The following MYT1 variants were observed in gnomAD, a reference collection of about 807,000 sequenced individuals.
MYT1 encodes myelin transcription factor 1.
MYT1 carries 23 observed loss-of-function variants against 123.0 expected under a neutral mutation model. The ratio of observed to expected loss-of-function variants is 0.19; its 90% CI spans 0.13 to 0.26. The LOEUF (loss-of-function observed/expected upper bound fraction) is 0.26, where lower values mean the gene tolerates loss of function less well. Among genes scored for constraint, MYT1 ranks in the 10% least tolerant of loss-of-function variants. The pLI is 1.00. For missense variants in MYT1, 1,125 were observed against 1,472.5 expected (o/e 0.76, Z 3.86); for synonymous variants, 518 against 575.3 (o/e 0.90, Z 1.43).
chr20:64,224,307 C>T (rs1305594905), intron 16 of MYT1, among the ~76,000 whole-genome samples: 1 of 152,168 alleles, frequency 6.6e-6, no homozygotes, highest in Non-Finnish European at 1.5e-5. Context: ...CATTCTGGGG[C>T]CAGACAGGAT....
rs551679146 is a variant in MYT1 at position 64,227,392 on chromosome 20, T to C, written c.2529-23T>C. 1.8e-5 allele frequency: 29 copies of C among 1,611,674 alleles called. No individual in the cohort carries two copies. In the East Asian group the frequency reaches 6.5e-4, roughly 36 times the overall value. On this transcript the variant is annotated intron_variant, in intron 16 of 22. Coordinates refer to ENST00000328439, the MANE Select transcript of MYT1 (RefSeq NM_004535.3). ...GCTAAACGCCTTCACGGGCTCCCGT[T>C]CCAGTTCTGCTTCCCTCTGCAGGTG...
chr20:64,217,920 A>G (rs1983887753), intron 11 of MYT1, among the ~76,000 whole-genome samples: 2 of 152,254 alleles, frequency 1.3e-5, no homozygotes, highest in Admixed American at 6.5e-5. Context: ...TTACTGCCCT[A>G]ATTTGTGGAA....
chr20:64,212,213 G>GGGGGCCAGGGTGGGGGCCGTGTTA lies in MYT1; in HGVS notation c.1517+96_1517+97insTTAGGGGCCAGGGTGGGGGCCGTG, dbSNP rs1983694860. 1 of 302,506 alleles carries GGGGGCCAGGGTGGGGGCCGTGTTA rather than the reference G, an allele frequency of 3.3e-6. No homozygotes were observed. The highest frequency in any genetic ancestry group is 4.8e-5 in the African/African-American group (1 of 20,854). The allele number at this position is 302,506 out of a possible 1,614,324, so 18.7% of individuals were successfully genotyped here. On this transcript the variant is annotated intron_variant, in intron 9 of 22. Coordinates refer to ENST00000328439, the MANE Select transcript of MYT1 (RefSeq NM_004535.3). The surrounding 1 kb of genome is among the most constrained non-coding windows in gnomAD (Gnocchi z 6.8). ...TGGGGGCCAGGGTGGGGGCCGTGGT[G>GGGGGCCAGGGTGGGGGCCGTGTTA]GGGGCCAGGGTGGGGGCCGTGGTGG...
intron 1 of MYT1, among the ~76,000 whole-genome samples, chr20:64,187,008 G>A (rs1446666912): frequency 6.9e-6 from 1 of 143,914 alleles, no homozygotes; most frequent in Non-Finnish European, 1.5e-5. Flanking sequence ...CGGCATCCAC[G>A]TTTCCGTGGA....
At position 64,190,460 on chromosome 20, in the gene MYT1, G is replaced by A. The variant is rs571013403; in HGVS notation, c.-1+300G>A. Among the ~76,000 whole-genome samples the A allele has an allele frequency of 8.5e-5, 13 of 152,244 alleles. No individual in the cohort carries two copies. The South Asian group carries it at 2.1e-3, about 24-fold the overall frequency. On this transcript the variant is annotated intron_variant, in intron 2 of 22. Coordinates refer to ENST00000328439, the MANE Select transcript of MYT1 (RefSeq NM_004535.3). The surrounding 1 kb of genome is among the most constrained non-coding windows in gnomAD (Gnocchi z 4.1). ...AGGCTGAGGCAGGTGGATCACTTGA[G>A]GTCAAGAGTTCAAGACCAGCCTGGC...
rs1231444653 is a variant in MYT1, at chr20:64,191,385, A to C, written c.-1+1225A>C. ...TGGATGAGGCCAGGTCCCCAGGGTC[A>C]GGTGACCCTCACAGCTGGAAGTAGA... On this transcript the variant is annotated intron_variant, in intron 2 of 22. Transcript: ENST00000328439. The surrounding 1 kb of genome is among the most constrained non-coding windows in gnomAD (Gnocchi z 4.1). 1 of 152,272 alleles carries C rather than the reference A, an allele frequency of 6.6e-6. No individual in the cohort carries two copies. Among genetic ancestry groups the C allele is most frequent in the Non-Finnish European group, 1.5e-5 (1 of 68,064 alleles). 9.4% of individuals were successfully genotyped at this position (152,272 alleles called of 1,614,324 possible).
chr20:64,235,050 CCATGG>C (rs1984468666), intron 19 of MYT1, among the ~76,000 whole-genome samples: 1 of 139,252 alleles, frequency 7.2e-6, no homozygotes, highest in African/African-American at 2.8e-5. Context: ...CCTGGGCTGG[CCATGG>C]TGGTTGATGC....
chr20:64,201,501 A>G (rs1263229615), intron 4 of MYT1, among the ~76,000 whole-genome samples: 1 of 152,186 alleles, frequency 6.6e-6, no homozygotes, highest in Non-Finnish European at 1.5e-5. Flanking sequence ...AAATAGGACA[A>G]AGATTATGTT....
rs1484041677 is a variant in MYT1, at chr20:64,212,185, TGGTGGGGGCCAG to T, written c.1517+58_1517+69del. On this transcript the variant is annotated intron_variant, in intron 9 of 22. Coordinates refer to ENST00000328439, the MANE Select transcript of MYT1 (RefSeq NM_004535.3). This position sits in a 1 kb window ranked among gnomAD's most constrained non-coding sequence, Gnocchi z 6.8. ...GTAGTGGGGGCCAGGGTGGGGGCCG[TGGTGGGGGCCAG>T]GGTGGGGGCCGTGGTGGGGGCCAGG... The T allele has an allele frequency of 1.2e-5, 5 of 407,380 alleles. No individual in the cohort carries two copies. Among genetic ancestry groups the T allele is most frequent in the East Asian group, 8.9e-5 (1 of 11,264 alleles). 25.2% of individuals were successfully genotyped at this position (407,380 alleles called of 1,614,324 possible). A position where few individuals can be genotyped will look rare whatever the true frequency, so the allele number is the denominator to read the frequency against.
chr20:64,187,035 C>T (rs1321297197), intron 1 of MYT1, among the ~76,000 whole-genome samples: 19 of 141,610 alleles, frequency 1.3e-4, no homozygotes, highest in African/African-American at 4.3e-4. Context: ...TCCTGTAGCC[C>T]GTGGCCCCGG....
At chr20:64,170,872 TATATATATATATAGAGAGAGAGAG>T (rs1341973364) in intron 1 of MYT1, among the ~76,000 whole-genome samples, 1 of 62,482 alleles carries the variant, frequency 1.6e-5, no homozygotes, top group Non-Finnish European at 2.9e-5. Context: ...TATATATATA[TATATATATATATAGAGAGAGAGAG>T]AGAGAGAGAG....
intron 1 of MYT1, among the ~76,000 whole-genome samples, chr20:64,165,286 T>G (rs1470122836): frequency 6.6e-6 from 1 of 152,064 alleles, no homozygotes; most frequent in Non-Finnish European, 1.5e-5. Context: ...GATCAATATC[T>G]AGGGTGCATG....
Position 64,205,651 on chromosome 20 carries a change from T to C in MYT1, c.248T>C (p.Leu83Pro), listed in dbSNP as rs1394463309. The part of the protein sequence containing the change: ...KRKSHPLKLA[L>P]DEGYGVDSDG... ...AAGTCACACCCCCTGAAGCTGGCTC[T>C]GGACGAGGGCTATGGTGTGGACAGC... Residue 83 changes from leucine to proline, a missense_variant, in exon 6 of 23, where the codon CTG becomes CCG. Physicochemically the swap from Leu to Pro is moderately conservative, Grantham distance 98. This residue lies in a region of MYT1 where 406 missense variants were observed against 432.2 expected (regional missense o/e 0.94). Transcript: ENST00000328439. The C allele has an allele frequency of 6.2e-7, 1 of 1,614,202 alleles. No individual in the cohort carries two copies. The highest frequency in any genetic ancestry group is 8.5e-7 in the Non-Finnish European group (1 of 1,180,036).
intron 10 of MYT1, among the ~76,000 whole-genome samples, chr20:64,216,012 C>T (rs1983828928): frequency 6.6e-6 from 1 of 152,172 alleles, no homozygotes; most frequent in African/African-American, 2.4e-5. Context: ...AAGGAGAAAA[C>T]ACCCACGTCC....
rs1403444222 is a variant in MYT1, at chr20:64,167,840, ATGT to A, written c.-99+3105_-99+3107del. Reference sequence around the variant, plus strand: ...GTCTACAGATGTAATTTTAACAGGAATGTTGTGGTGTGAGTTTACAGGAAAATG... The same window carrying A: ...GTCTACAGATGTAATTTTAACAGGAATGTGGTGTGAGTTTACAGGAAAATG... On this transcript the variant is annotated intron_variant, in intron 1 of 22. Transcript: ENST00000328439. The surrounding 1 kb of genome is among the most constrained non-coding windows in gnomAD (Gnocchi z 6.3). Among the ~76,000 whole-genome samples the A allele has an allele frequency of 1.3e-5, 2 of 152,244 alleles. No individual in the cohort carries two copies.
chr20:64,179,856 A>G (rs1265592273), intron 1 of MYT1, among the ~76,000 whole-genome samples: 6 of 151,934 alleles, frequency 3.9e-5, no homozygotes, highest in African/African-American at 1.5e-4. Flanking sequence ...TTACACACAC[A>G]TACTACACAC....
chr20:64,207,452 T>C, intron 6 of MYT1, 142 bp from the exon 7 acceptor site: 2 of 1,442,178 alleles, frequency 1.4e-6, no homozygotes, highest in Non-Finnish European at 9.3e-7. Flanking sequence ...TCCCCACTTC[T>C]GGAGTTTCAT....
chr20:64,179,999 C>T (rs117462440), intron 1 of MYT1, among the ~76,000 whole-genome samples: 3,407 of 151,198 alleles, frequency 0.023, 124 homozygotes, highest in African/African-American at 0.075. Flanking sequence ...TACACACATA[C>T]GCCACACACG....
rs1982986131 is a variant in MYT1, at chr20:64,192,075, G to T, written c.-1+1915G>T. 6.6e-6 allele frequency among the ~76,000 whole-genome samples: 1 copy of T among 152,090 alleles called. No homozygotes were observed. Among genetic ancestry groups the T allele is most frequent in the Admixed American group, 6.5e-5 (1 of 15,270 alleles). The stretch of plus-strand genomic sequence containing the variant: ...GTCGGAAGACTTTTGTCTCCCCCTG[G>T]CCCAGACATGACAAACTCAGAGAGT... On this transcript the variant is annotated intron_variant, in intron 2 of 22. Transcript: ENST00000328439. The surrounding 1 kb of genome is among the most constrained non-coding windows in gnomAD (Gnocchi z 5.3).
Sources: allele counts gnomAD v4.1 joint callset (sites outside exome capture counted in the v4.1 genomes callset), GRCh38; gene constraint gnomAD v4.1.1; regional missense constraint gnomAD v4.1.1; non-coding constraint Gnocchi (gnomAD v3.1); transcripts MANE v1.5; gene names NCBI Gene and HGNC (gene_info 2026-07-23, HGNC 2026-07-21).